The following FHIT variants were observed in gnomAD, a reference collection of about 807,000 sequenced individuals.
FHIT encodes bis(5'-adenosyl)-triphosphatase.
In FHIT, 19 loss-of-function variants were observed where a neutral mutation model predicts 17.9. The observed-to-expected ratio is 1.06, with a 90% confidence interval of 0.74 to 1.56. The LOEUF is 1.56. Ranked by LOEUF, FHIT falls within the 40% of genes most tolerant of loss-of-function variation. The pLI is 0.00. For missense variants in FHIT, 248 were observed against 189.2 expected (o/e 1.31, Z -1.82); for synonymous variants, 81 against 69.7 (o/e 1.16, Z -0.81).
intron 2 of FHIT, among the ~76,000 whole-genome samples, chr3:61,154,099 C>G (rs1437237623): frequency 6.6e-6 from 1 of 152,126 alleles, no homozygotes; most frequent in Admixed American, 6.6e-5. Context: ...CCCCAAATCG[C>G]TGGCATTTTA....
At chr3:59,872,535 A>G (rs928256759) in intron 8 of FHIT, among the ~76,000 whole-genome samples, 5 of 152,224 alleles carry the variant, frequency 3.3e-5, no homozygotes, top group Admixed American at 2.0e-4. Flanking sequence ...CTTTTCTGAG[A>G]ACAATGTCTG....
chr3:60,276,454 C>G (rs182609225), intron 5 of FHIT, among the ~76,000 whole-genome samples: 101 of 152,246 alleles, frequency 6.6e-4, no homozygotes, highest in Middle Eastern at 3.4e-3. Flanking sequence ...TATCAGAGTA[C>G]TCATTCAGAA....
intron 5 of FHIT, among the ~76,000 whole-genome samples, chr3:60,177,147 C>T (rs928000669): frequency 5.3e-5 from 8 of 151,672 alleles, no homozygotes; most frequent in Non-Finnish European, 1.0e-4. Context: ...CCACAAATTA[C>T]ACACATGCTT....
At chr3:59,953,219 C>T (rs58469589) in intron 7 of FHIT, among the ~76,000 whole-genome samples, 1,550 of 151,202 alleles carry the variant, frequency 0.01, 27 homozygotes, top group African/African-American at 0.035. Flanking sequence ...CCTGTCTCTA[C>T]GTGTGTACCT....
intron 5 of FHIT, among the ~76,000 whole-genome samples, chr3:60,455,767 G>A (rs2032050890): frequency 6.6e-6 from 1 of 152,062 alleles, no homozygotes; most frequent in South Asian, 2.1e-4. Context: ...TGTGGTAGTA[G>A]CTGCATGCCC....
chr3:60,412,057 C>T (rs370182740), intron 5 of FHIT, among the ~76,000 whole-genome samples: 4 of 151,786 alleles, frequency 2.6e-5, no homozygotes, highest in Non-Finnish European at 4.4e-5. Flanking sequence ...AGATAATACA[C>T]CTGCAGTGTT....
intron 5 of FHIT, among the ~76,000 whole-genome samples, chr3:60,025,055 G>C (rs1460783802): frequency 6.6e-6 from 1 of 152,184 alleles, no homozygotes; most frequent in African/African-American, 2.4e-5. Context: ...GGGCAAAAAG[G>C]AAGAGAAGGA....
chr3:60,197,127 C>A (rs1188114340), intron 5 of FHIT, among the ~76,000 whole-genome samples: 1 of 152,180 alleles, frequency 6.6e-6, no homozygotes, highest in Admixed American at 6.5e-5. Context: ...GCATACTTAA[C>A]ATGCATTTAA....
intron 5 of FHIT, among the ~76,000 whole-genome samples, chr3:60,202,122 G>C (rs1702941076): frequency 6.6e-6 from 1 of 152,184 alleles, no homozygotes; most frequent in Non-Finnish European, 1.5e-5. Context: ...TGTTACAGTG[G>C]AAAGAGCATC....
At chr3:60,449,378 C>A (rs901741463) in intron 5 of FHIT, among the ~76,000 whole-genome samples, 3 of 151,760 alleles carry the variant, frequency 2.0e-5, no homozygotes, top group Non-Finnish European at 4.4e-5. Context: ...ATAAAGGTAG[C>A]GTAAGTGAAA....
At chr3:60,487,975 G>A (rs925678580) in intron 5 of FHIT, among the ~76,000 whole-genome samples, 1 of 152,144 alleles carries the variant, frequency 6.6e-6, no homozygotes, top group Non-Finnish European at 1.5e-5. Context: ...AAGTATTAAA[G>A]GTTCTTTATT....
At chr3:61,011,719 C>A (rs1465541224) in intron 3 of FHIT, among the ~76,000 whole-genome samples, 1 of 152,154 alleles carries the variant, frequency 6.6e-6, no homozygotes, top group African/African-American at 2.4e-5. Context: ...GCCTTTTCAT[C>A]TGCAAACAAT....
intron 8 of FHIT, among the ~76,000 whole-genome samples, chr3:59,752,916 A>T: frequency 6.6e-6 from 1 of 152,192 alleles, no homozygotes; most frequent in Non-Finnish European, 1.5e-5. Flanking sequence ...TAGCACTGTA[A>T]GAATGGACTA....
intron 5 of FHIT, among the ~76,000 whole-genome samples, chr3:60,366,665 C>T (rs997640373): frequency 6.6e-6 from 1 of 152,112 alleles, no homozygotes; most frequent in Non-Finnish European, 1.5e-5. Flanking sequence ...GCCCTTCTGC[C>T]GTCCGCTCCC....
intron 4 of FHIT, among the ~76,000 whole-genome samples, chr3:60,721,091 T>A (rs2041799171): frequency 6.6e-6 from 1 of 152,094 alleles, no homozygotes; most frequent in African/African-American, 2.4e-5. Flanking sequence ...GTTGAAGCAA[T>A]TGCTTTGTGG....
intron 5 of FHIT, among the ~76,000 whole-genome samples, chr3:60,441,783 A>AAT (rs71092605): frequency 0.026 from 632 of 23,936 alleles, 16 homozygotes; most frequent in African/African-American, 0.045. Flanking sequence ...TATGTATAAA[A>AAT]ATATATATAT....
At chr3:60,198,846 G>A (rs536115207) in intron 5 of FHIT, among the ~76,000 whole-genome samples, 6 of 152,222 alleles carry the variant, frequency 3.9e-5, no homozygotes, top group Admixed American at 1.3e-4. Flanking sequence ...TAAAGGTAAC[G>A]AATTGTCTCA....
chr3:60,570,580 C>A (rs780958780), intron 4 of FHIT, among the ~76,000 whole-genome samples: 1 of 152,018 alleles, frequency 6.6e-6, no homozygotes, highest in Admixed American at 6.6e-5. Context: ...TTTGTGAAAT[C>A]TTTTCCCACT....
At chr3:60,060,185 TAAAAA>T (rs113982258) in intron 5 of FHIT, among the ~76,000 whole-genome samples, 1 of 147,294 alleles carries the variant, frequency 6.8e-6, no homozygotes, top group East Asian at 2.0e-4. Flanking sequence ...TAATTGGTGT[TAAAAA>T]AAAAAACCCA....
Sources: allele counts gnomAD v4.1 joint callset (sites outside exome capture counted in the v4.1 genomes callset), GRCh38; gene constraint gnomAD v4.1.1; transcripts MANE v1.5; gene names NCBI Gene and HGNC (gene_info 2026-07-23, HGNC 2026-07-21).